NCAPD2: variants seen among roughly 807,000 people sequenced by gnomAD.
NCAPD2 encodes the protein condensin complex subunit 1.
NCAPD2 carries 100 observed loss-of-function variants against 164.5 expected under a neutral mutation model. The ratio of observed to expected loss-of-function variants is 0.61; its 90% CI spans 0.52 to 0.72. The LOEUF is 0.72. Among genes scored for constraint, NCAPD2 ranks in the 30% least tolerant of loss-of-function variants. The probability of loss-of-function intolerance (pLI) is 0.00; values close to 1 mark genes in which losing one functional copy is unlikely to be tolerated. For synonymous variants in NCAPD2, 585 were observed against 642.6 expected, an observed-to-expected ratio of 0.91 and a Z score of 1.36; for missense variants, 1,560 against 1,749.2, an observed-to-expected ratio of 0.89 and a Z score of 1.93.
At position 6,516,868 on chromosome 12, in the gene NCAPD2, A is replaced by T; in HGVS notation, c.1028A>T (p.Glu343Val). Reference protein sequence around the residue: ...MRNAVLAAMAEMVLQVLSGDQ... With the variant: ...MRNAVLAAMAVMVLQVLSGDQ... ...AATGCTGTGCTGGCAGCCATGGCGG[A>T]GATGGTGCTGCAGGTTCTCAGTGGC... The change falls in exon 10 of 32, where the codon GAG becomes GTG. Residue 343 changes from glutamate (E) to valine (V), a missense_variant. Glu to Val is a moderately radical substitution (Grantham distance 121). Transcript: ENST00000315579. The T allele has an allele frequency of 6.2e-7, 1 of 1,614,128 alleles. No individual in the cohort carries two copies. The highest frequency in any genetic ancestry group is 8.5e-7 in the Non-Finnish European group (1 of 1,180,018).
At chr12:6,517,222 C>A in intron 10 of NCAPD2, 143 bp from the exon 11 acceptor site, 1 of 1,335,900 alleles carries the variant, frequency 7.5e-7, no homozygotes. Context: ...CTTACCACTA[C>A]AAGGAGTACT....
intron 13 of NCAPD2, among the ~76,000 whole-genome samples, chr12:6,519,142 G>A (rs1242149295): frequency 4.0e-5 from 6 of 151,334 alleles, no homozygotes; most frequent in African/African-American, 7.3e-5. Flanking sequence ...CGCCTGCCTC[G>A]GCCTCCCAAA....
intron 16 of NCAPD2, 35 bp downstream of exon 16, chr12:6,523,037 C>T: frequency 1.2e-6 from 2 of 1,608,590 alleles, no homozygotes; most frequent in Non-Finnish European, 1.7e-6. Context: ...CTGACTTTTC[C>T]AAGGTCAGCT....
Position 6,504,212 on chromosome 12 carries a change from T to TATACAC in NCAPD2, c.128-5502_128-5501insCACATA, listed in dbSNP as rs1555137426. Among the ~76,000 whole-genome samples, 6 of 21,724 alleles carry TATACAC rather than the reference T, an allele frequency of 2.8e-4. No individual in the cohort carries two copies. The South Asian group carries it at 2.9e-3, about 10-fold the overall frequency. The allele number at this position is 21,724 out of a possible 152,430, so 14.3% of individuals were successfully genotyped here. A position where few individuals can be genotyped will look rare whatever the true frequency, so the allele number is the denominator to read the frequency against. On this transcript the variant is annotated intron_variant, in intron 2 of 31. Coordinates refer to ENST00000315579, the MANE Select transcript of NCAPD2 (RefSeq NM_014865.4). ...ATATATATATATATATATATATATA[T>TATACAC]ATATAGATATAGATATATATATATA...
chr12:6,522,761 G>T (rs886354273), intron 15 of NCAPD2, 67 bp from the exon 16 acceptor site: 6 of 1,554,818 alleles, frequency 3.9e-6, no homozygotes, highest in Non-Finnish European at 4.4e-6. Flanking sequence ...ATTCAGAAAG[G>T]TTCTGTCGTT....
rs1333124919 is a variant in NCAPD2 at position 6,522,929 on chromosome 12, G to A, written c.2056G>A (p.Glu686Lys). The A allele has an allele frequency of 6.2e-7, 1 of 1,614,078 alleles. No homozygotes were observed. The highest frequency in any genetic ancestry group is 1.3e-5 in the African/African-American group (1 of 74,928). Residue 686 changes from glutamate (E) to lysine (K), a missense_variant, in exon 16 of 32, where the codon GAG becomes AAG. Physicochemically the swap from Glu to Lys is moderately conservative, Grantham distance 56. Coordinates refer to ENST00000315579, the MANE Select transcript of NCAPD2 (RefSeq NM_014865.4). ...TATGCTGCCTCTCATCTGGTCTAAGGAGCCTGGTGTCCGGGAAGCCGTGCT... is the reference window on the plus strand; with the variant it reads ...TATGCTGCCTCTCATCTGGTCTAAGAAGCCTGGTGTCCGGGAAGCCGTGCT... ...RRMLPLIWSK[E>K]PGVREAVLNA...
rs1413235924 is a variant in NCAPD2, at chr12:6,516,848, T to C, written c.1008T>C (p.Ala336=). 2 of 1,614,094 alleles carry C rather than the reference T, an allele frequency of 1.2e-6. No individual in the cohort carries two copies. The highest frequency in any genetic ancestry group is 1.1e-5 in the South Asian group (1 of 91,090). ...LDGENYMMRN[A]VLAAMAEMVL... ...CTTAGAATTACATGATGCGTAATGC[T>C]GTGCTGGCAGCCATGGCGGAGATGG... is the stretch of plus-strand genomic sequence containing the variant. Residue 336 remains alanine, a synonymous_variant, in exon 10 of 32, where the codon GCT becomes GCC. Coordinates refer to ENST00000315579, the MANE Select transcript of NCAPD2 (RefSeq NM_014865.4).
intron 2 of NCAPD2, among the ~76,000 whole-genome samples, chr12:6,501,055 G>T (rs752885544): frequency 7.5e-6 from 1 of 134,136 alleles, no homozygotes; most frequent in African/African-American, 2.8e-5. Flanking sequence ...TGATTACAAG[G>T]CTTTTTTTTT....
At position 6,531,292 on chromosome 12, in the gene NCAPD2, T is replaced by C; in HGVS notation, c.4121-35T>C. 1 of 1,593,780 alleles carries C rather than the reference T, an allele frequency of 6.3e-7. No individual in the cohort carries two copies. Among genetic ancestry groups the C allele is most frequent in the Non-Finnish European group, 8.6e-7 (1 of 1,164,664 alleles). The stretch of plus-strand genomic sequence containing the variant: ...TCTATTTTTTCACCATCTTTGTGAC[T>C]CAGCTTTTTCTTATTCCTTTAATTC... On this transcript the variant is annotated intron_variant, in intron 31 of 31. Coordinates refer to ENST00000315579, the MANE Select transcript of NCAPD2 (RefSeq NM_014865.4). The surrounding 1 kb of genome is among the most constrained non-coding windows in gnomAD (Gnocchi z 4.1).
intron 13 of NCAPD2, 190 bp downstream of exon 13, chr12:6,518,149 T>A: frequency 2.0e-6 from 1 of 501,558 alleles, no homozygotes; most frequent in Middle Eastern, 5.3e-4. Context: ...TTCTACTTTA[T>A]AAATGTTTAA....
rs1431522943 is a variant in NCAPD2, at chr12:6,511,122, C to T, written c.457C>T (p.Arg153Trp). The T allele has an allele frequency of 8.1e-6, 13 of 1,613,746 alleles. No homozygotes were observed. Among genetic ancestry groups the T allele is most frequent in the South Asian group, 7.7e-5 (7 of 91,038 alleles). The change falls in exon 6 of 32, where the codon CGG (arginine) becomes TGG (tryptophan). Residue 153 changes from arginine to tryptophan, a missense_variant. Physicochemically the swap from Arg to Trp is moderately radical, Grantham distance 101. Coordinates refer to ENST00000315579, the MANE Select transcript of NCAPD2 (RefSeq NM_014865.4). ...LDLGGKGKKA[R>W]TKAAHGFDWE... ...TGATCCTTTTTAGGGTAAGAAAGCT[C>T]GGACCAAGGCAGCCCATGGCTTTGA...
chr12:6,509,573 T>A, intron 2 of NCAPD2, 144 bp from the exon 3 acceptor site: 1 of 807,902 alleles, frequency 1.2e-6, no homozygotes, highest in Non-Finnish European at 2.1e-6. Flanking sequence ...TCATCGTCAT[T>A]ATAGGTTACA....
chr12:6,501,512 A>G (rs530312458), intron 2 of NCAPD2, among the ~76,000 whole-genome samples: 15 of 152,202 alleles, frequency 9.9e-5, no homozygotes, highest in Non-Finnish European at 1.3e-4. Context: ...GACTTGAGCA[A>G]CTAGAAGAAT....
intron 9 of NCAPD2, among the ~76,000 whole-genome samples, chr12:6,515,194 A>G (rs1946186972): frequency 6.8e-6 from 1 of 146,072 alleles, no homozygotes; most frequent in Non-Finnish European, 1.5e-5. Flanking sequence ...CTCAGCTTTG[A>G]TTTTTTTTTT....
intron 13 of NCAPD2, among the ~76,000 whole-genome samples, chr12:6,519,635 T>A (rs1946246267): frequency 6.6e-6 from 1 of 152,140 alleles, no homozygotes; most frequent in African/African-American, 2.4e-5. Flanking sequence ...CCCTTTTATA[T>A]GACTGATAGA....
At chr12:6,517,728 C>T (rs751782101) in intron 12 of NCAPD2, 45 bp downstream of exon 12, 2 of 1,614,076 alleles carry the variant, frequency 1.2e-6, no homozygotes, top group Non-Finnish European at 1.7e-6. Context: ...ACAGGCTTCT[C>T]CTTGCAGTCA....
rs1023088574 is a variant in NCAPD2 at position 6,531,218 on chromosome 12, A to G, written c.4121-109A>G. 23 of 1,484,432 alleles carry G rather than the reference A, an allele frequency of 1.5e-5. No individual in the cohort carries two copies. The highest frequency in any genetic ancestry group is 6.8e-5 in the East Asian group (3 of 44,002). The allele number at this position is 1,484,432 out of a possible 1,614,324, so 92.0% of individuals were successfully genotyped here. On this transcript the variant is annotated intron_variant, in intron 31 of 31. Transcript: ENST00000315579. The surrounding 1 kb of genome is among the most constrained non-coding windows in gnomAD (Gnocchi z 4.1). Reference sequence around the variant, plus strand: ...GAAGGGCCTCTCCTGTACAGCTTGGATTTTATTTCTTCTGTGCGGTGTGGG... The same window carrying G: ...GAAGGGCCTCTCCTGTACAGCTTGGGTTTTATTTCTTCTGTGCGGTGTGGG...
rs1485276238 is a variant in NCAPD2, at chr12:6,529,842, C to T, written c.3721C>T (p.Arg1241Cys). ...SQLPLTERGL[R>C]KMLDNFDCFG... ...GCTGCCCCTCACAGAGCGAGGCCTCCGTAAGATGCTTGACAATTTTGACTG... is the reference window on the plus strand; with the variant it reads ...GCTGCCCCTCACAGAGCGAGGCCTCTGTAAGATGCTTGACAATTTTGACTG... Residue 1241 changes from arginine to cysteine, a missense_variant, in exon 29 of 32, where the codon CGT becomes TGT. Physicochemically the swap from Arg to Cys is radical, Grantham distance 180. Coordinates refer to ENST00000315579, the MANE Select transcript of NCAPD2 (RefSeq NM_014865.4). 27 of 1,614,130 alleles carry T rather than the reference C, an allele frequency of 1.7e-5. No homozygotes were observed. The highest frequency in any genetic ancestry group is 4.5e-5 in the East Asian group (2 of 44,904).
At chr12:6,527,156 A>T in intron 22 of NCAPD2, 93 bp downstream of exon 22, 3 of 1,361,522 alleles carry the variant, frequency 2.2e-6, no homozygotes, top group South Asian at 3.0e-5. Flanking sequence ...CTCCTCTGCT[A>T]TTACATGAAG....
Sources: gnomAD v4.1 joint callset for allele counts (sites outside exome capture counted in the v4.1 genomes callset) on GRCh38, gnomAD v4.1.1 for gene constraint, Gnocchi (gnomAD v3.1) non-coding constraint, MANE v1.5 for transcripts, NCBI Gene and HGNC (gene_info 2026-07-23, HGNC 2026-07-21) for gene names.